EPHA10: variants seen among roughly 807,000 people sequenced by gnomAD.
EPHA10 encodes EPH receptor A10, also known as ephrin type-A receptor 10.
In EPHA10, 120 loss-of-function variants were observed where a neutral mutation model predicts 109.7. The observed-to-expected ratio is 1.09, with a 90% CI of 0.94 to 1.27. The LOEUF is 1.27. Among genes scored for constraint, EPHA10 ranks in the 50% most tolerant of loss-of-function variants. The pLI, the probability that EPHA10 is intolerant of heterozygous loss-of-function variation, is 0.00. For missense variants in EPHA10, 1,396 were observed against 1,411.1 expected, an observed-to-expected ratio of 0.99 and a Z score of 0.17; for synonymous variants, 640 against 618.9, an observed-to-expected ratio of 1.03 and a Z score of -0.51.
chr1:37,741,053 G>A (rs1045558490), intron 5 of EPHA10, among the ~76,000 whole-genome samples: 4 of 152,116 alleles, frequency 2.6e-5, no homozygotes, highest in African/African-American at 4.8e-5. Context: ...ATTTAGGAAG[G>A]TTCCCTCCTG....
Position 37,761,409 on chromosome 1 carries a change from G to C in EPHA10, c.846C>G (p.Cys282Trp). The change falls in exon 3 of 17, where the codon TGC becomes TGG. Residue 282 changes from cysteine to tryptophan, a missense_variant. By Grantham distance (215) the Cys-to-Trp change is radical (BLOSUM62 -2). Coordinates refer to ENST00000373048, the MANE Select transcript of EPHA10 (RefSeq NM_001099439.2). ...SAGFQERGDFCEACPPGFYKV... is the reference protein window; with the variant it reads ...SAGFQERGDFWEACPPGFYKV... ...GGCCCCCAGCCAACTGGATACCTTC[G>C]CAGAAGTCACCACGCTCCTGGAATC... The C allele has an allele frequency of 6.3e-7, 1 of 1,599,328 alleles. No homozygotes were observed. Among genetic ancestry groups the C allele is most frequent in the Non-Finnish European group, 8.5e-7 (1 of 1,179,792 alleles).
chr1:37,739,505 G>A (rs780463676), intron 5 of EPHA10, among the ~76,000 whole-genome samples: 24 of 151,876 alleles, frequency 1.6e-4, no homozygotes, highest in Non-Finnish European at 3.1e-4. Context: ...CCTGGCTAAT[G>A]TAGTGAAACC....
intron 7 of EPHA10, among the ~76,000 whole-genome samples, chr1:37,730,687 T>G (rs915422434): frequency 6.6e-6 from 1 of 152,134 alleles, no homozygotes; most frequent in Non-Finnish European, 1.5e-5. Flanking sequence ...CCACTTAAGT[T>G]ACACAATCCT....
intron 5 of EPHA10, among the ~76,000 whole-genome samples, chr1:37,751,246 A>AAC (rs1268893873): frequency 6.7e-6 from 1 of 149,138 alleles, no homozygotes; most frequent in Non-Finnish European, 1.5e-5. Context: ...GAAAAAGAAA[A>AAC]AAAAAAAAGA....
chr1:37,729,926 T>C (rs183840636), intron 7 of EPHA10, among the ~76,000 whole-genome samples: 140 of 151,668 alleles, frequency 9.2e-4, no homozygotes, highest in Admixed American at 3.0e-3. Flanking sequence ...AACCACACTC[T>C]GCAGATTGGG....
chr1:37,760,402 G>A, intron 3 of EPHA10: 1 of 1,056,196 alleles, frequency 9.5e-7, no homozygotes. Flanking sequence ...CCACTAGCCT[G>A]AGAACCCAGC....
In EPHA10 at chr1:37,716,062, C is replaced by T. The variant is rs1645687063; in HGVS notation, c.*2310G>A. 5.6e-6 allele frequency: 3 copies of T among 535,512 alleles called. No homozygotes were observed. The highest frequency in any genetic ancestry group is 1.7e-5 in the South Asian group (1 of 59,648). The allele number at this position is 535,512 out of a possible 1,614,324, so 33.2% of individuals were successfully genotyped here. Reference sequence around the variant, plus strand: ...AGGAACCCCCTCCGACTGGCCCCCTCCCTCCCAGGGTGAGCTCAGACCAGG... The same window carrying T: ...AGGAACCCCCTCCGACTGGCCCCCTTCCTCCCAGGGTGAGCTCAGACCAGG... On this transcript the variant is annotated 3_prime_UTR_variant, in exon 17 of 17. Coordinates refer to ENST00000373048, the MANE Select transcript of EPHA10 (RefSeq NM_001099439.2).
intron 6 of EPHA10, 50 bp downstream of exon 6, chr1:37,735,207 G>A: frequency 6.4e-7 from 1 of 1,554,022 alleles, no homozygotes. Context: ...CAGAAGCCCT[G>A]CGGGACAGGT....
Position 37,719,014 on chromosome 1 carries a change from A to G in EPHA10, c.2757-198T>C, listed in dbSNP as rs545387414. On this transcript the variant is annotated intron_variant, in intron 15 of 16. Transcript: ENST00000373048. ...AGGTTCTTCAGGCAGGTGGAGGCAG[A>G]GCCAGCGCCAGCTAAAGGTATTGGC... The G allele has an allele frequency of 7.3e-6, 5 of 682,426 alleles. No individual in the cohort carries two copies. The African/African-American group carries it at 9.0e-5, about 12-fold the overall frequency. The allele number at this position is 682,426 out of a possible 1,614,324, so 42.3% of individuals were successfully genotyped here.
rs1202390486 is a variant in EPHA10 at position 37,764,217 on chromosome 1, C to T, written c.106+744G>A. ...CGACGGCTTTCCGAGATCCGCGCAA[C>T]TGACAGCACATCGGAATCGCGAACT... On this transcript the variant is annotated intron_variant, in intron 1 of 16. Coordinates refer to ENST00000373048, the MANE Select transcript of EPHA10 (RefSeq NM_001099439.2). The surrounding 1 kb of genome is among the most constrained non-coding windows in gnomAD (Gnocchi z 5.8). Among the ~76,000 whole-genome samples, 1 of 152,198 alleles carries T rather than the reference C, an allele frequency of 6.6e-6. No individual in the cohort carries two copies. The highest frequency in any genetic ancestry group is 1.5e-5 in the Non-Finnish European group (1 of 68,036).
At position 37,719,482 on chromosome 1, in the gene EPHA10, G is replaced by C. The variant is rs751281419; in HGVS notation, c.2688C>G (p.Ile896Met). ...GCACCATCTTGCTCAGGATGCTGTG[G>C]ATCTGGGAGAACCTGGGCCGCTCAC... ...DPGERPRFSQIHSILSKMVQD... is the reference protein window; with the variant it reads ...DPGERPRFSQMHSILSKMVQD... The change falls in exon 15 of 17, where the codon ATC becomes ATG. Residue 896 changes from isoleucine (I) to methionine (M), a missense_variant. By Grantham distance (10) the Ile-to-Met change is conservative. Transcript: ENST00000373048. 1.9e-6 allele frequency: 3 copies of C among 1,614,008 alleles called. No homozygotes were observed. The highest frequency in any genetic ancestry group is 2.5e-6 in the Non-Finnish European group (3 of 1,179,998).
At chr1:37,743,399 A>G (rs1050014409) in intron 5 of EPHA10, among the ~76,000 whole-genome samples, 3 of 152,222 alleles carry the variant, frequency 2.0e-5, no homozygotes, top group African/African-American at 7.2e-5. Context: ...AAATGGAGAA[A>G]CTGAGAAGGG....
intron 3 of EPHA10, among the ~76,000 whole-genome samples, chr1:37,759,485 T>C (rs1229188283): frequency 6.6e-6 from 1 of 152,228 alleles, no homozygotes; most frequent in Non-Finnish European, 1.5e-5. Context: ...CTCCCTTCCA[T>C]GCTTCCTTAG....
intron 15 of EPHA10, 152 bp downstream of exon 15, chr1:37,719,262 G>A (rs1645744757): frequency 3.4e-6 from 3 of 872,298 alleles, no homozygotes; most frequent in South Asian, 1.7e-5. Flanking sequence ...GTGGGCCTGG[G>A]CAGGCAGGCA....
At chr1:37,720,249 G>T in intron 13 of EPHA10, 102 bp downstream of exon 13, 2 of 1,422,934 alleles carry the variant, frequency 1.4e-6, no homozygotes, top group Non-Finnish European at 1.9e-6. Context: ...GACCAACTGG[G>T]TGGAGGGGCA....
At chr1:37,719,337 G>T in intron 15 of EPHA10, 77 bp downstream of exon 15, 2 of 1,508,356 alleles carry the variant, frequency 1.3e-6, no homozygotes, top group Non-Finnish European at 9.0e-7. Flanking sequence ...GGTGGAGGCG[G>T]TGGGTTTGCA....
chr1:37,764,869 C>A lies in EPHA10; in HGVS notation c.106+92G>T. 3 of 1,152,922 alleles carry A rather than the reference C, an allele frequency of 2.6e-6. No individual in the cohort carries two copies. The highest frequency in any genetic ancestry group is 4.4e-5 in the Admixed American group (2 of 45,200). 71.4% of individuals were successfully genotyped at this position (1,152,922 alleles called of 1,614,324 possible). A position where few individuals can be genotyped will look rare whatever the true frequency, so the allele number is the denominator to read the frequency against. ...TTCAAGCCCCAATACAGACTCTAGT[C>A]TCTCCAATGACTCCTTCCCCCAGAA... On this transcript the variant is annotated intron_variant, in intron 1 of 16. Coordinates refer to ENST00000373048, the MANE Select transcript of EPHA10 (RefSeq NM_001099439.2). The surrounding 1 kb of genome is among the most constrained non-coding windows in gnomAD (Gnocchi z 5.8).
At chr1:37,735,196 C>A in intron 6 of EPHA10, 61 bp downstream of exon 6, 1 of 1,548,576 alleles carries the variant, frequency 6.5e-7, no homozygotes, top group South Asian at 1.2e-5. Context: ...GCCTGAAGAA[C>A]CAGAAGCCCT....
intron 3 of EPHA10, among the ~76,000 whole-genome samples, chr1:37,757,494 T>C (rs512486): frequency 0.61 from 92,001 of 151,994 alleles, 27,899 homozygotes; most frequent in Admixed American, 0.67. Flanking sequence ...CCTTATATCC[T>C]TTTTCTCCTG....
Sources: allele counts gnomAD v4.1 joint callset (sites outside exome capture counted in the v4.1 genomes callset), GRCh38; gene constraint gnomAD v4.1.1; non-coding constraint Gnocchi (gnomAD v3.1); transcripts MANE v1.5; gene names NCBI Gene and HGNC (gene_info 2026-07-23, HGNC 2026-07-21).